PTPRF: variants seen among roughly 807,000 people sequenced by gnomAD.
PTPRF encodes the protein receptor-type tyrosine-protein phosphatase F.
Under a neutral mutation model 201.8 loss-of-function variants are expected in PTPRF, and 59 were observed. The observed-to-expected ratio is 0.29, with a 90% CI of 0.24 to 0.36. The LOEUF is 0.36. Among genes scored for constraint, PTPRF ranks in the 10% least tolerant of loss-of-function variants. PTPRF has a pLI of 1.00. For synonymous variants in PTPRF, 1,088 were observed against 1,089.7 expected, an observed-to-expected ratio of 1.00 and a Z score of 0.03; for missense variants, 2,132 against 2,690.5, an observed-to-expected ratio of 0.79 and a Z score of 4.59.
chr1:43,574,119 C>T (rs1178631391), intron 6 of PTPRF, among the ~76,000 whole-genome samples: 2 of 150,198 alleles, frequency 1.3e-5, no homozygotes, highest in African/African-American at 2.4e-5. Flanking sequence ...GCCTCATACT[C>T]CTGAGTAGCT....
intron 5 of PTPRF, among the ~76,000 whole-genome samples, chr1:43,556,966 T>G (rs1280153072): frequency 6.6e-6 from 1 of 152,218 alleles, no homozygotes; most frequent in Non-Finnish European, 1.5e-5. Flanking sequence ...CATCACTGAT[T>G]GCTGAGTGTT....
chr1:43,557,327 G>T (rs1463502291), intron 5 of PTPRF, among the ~76,000 whole-genome samples: 2 of 152,198 alleles, frequency 1.3e-5, no homozygotes, highest in African/African-American at 4.8e-5. Flanking sequence ...GGGGTGAGGA[G>T]GACGGACTTC....
chr1:43,585,399 GA>G (rs1648877996), intron 7 of PTPRF, among the ~76,000 whole-genome samples: 1 of 152,096 alleles, frequency 6.6e-6, no homozygotes, highest in Admixed American at 6.6e-5. Context: ...CCCTCACATG[GA>G]AAATGTCTCA....
chr1:43,575,990 A>G (rs1646901254), intron 6 of PTPRF: 1 of 1,343,296 alleles, frequency 7.4e-7, no homozygotes, highest in Admixed American at 2.0e-5. Context: ...CCTCCACTCC[A>G]TCCCGTCCAG....
chr1:43,533,370 T>C (rs1006488387), intron 1 of PTPRF, among the ~76,000 whole-genome samples: 3 of 152,012 alleles, frequency 2.0e-5, no homozygotes, highest in Admixed American at 6.5e-5. Flanking sequence ...TACACATCTT[T>C]TACTGGGAAG....
At chr1:43,613,319 C>T (rs1656947576) in intron 22 of PTPRF, 1 of 373,942 alleles carries the variant, frequency 2.7e-6, no homozygotes, top group African/African-American at 2.1e-5. Context: ...TCCCACCCCT[C>T]CTGGGAGGAA....
chr1:43,589,024 C>G (rs1052456157), intron 8 of PTPRF, 24 bp downstream of exon 8: 2 of 1,515,976 alleles, frequency 1.3e-6, no homozygotes, highest in African/African-American at 2.8e-5. Context: ...GTGCTGTAAC[C>G]AGTGCCCTCC....
At chr1:43,616,899 A>T (rs1042915126) in intron 23 of PTPRF, among the ~76,000 whole-genome samples, 2 of 152,080 alleles carry the variant, frequency 1.3e-5, no homozygotes, top group Non-Finnish European at 2.9e-5. Context: ...GGAACCCTGG[A>T]GGAGCTCTGC....
rs1026386490 is a variant in PTPRF, at chr1:43,546,158, C to T, written c.91+992C>T. Among the ~76,000 whole-genome samples the T allele has an allele frequency of 6.6e-6, 1 of 152,216 alleles. No homozygotes were observed. Among genetic ancestry groups the T allele is most frequent in the Non-Finnish European group, 1.5e-5 (1 of 68,034 alleles). On this transcript the variant is annotated intron_variant, in intron 3 of 33. Transcript: ENST00000359947. The surrounding 1 kb of genome is among the most constrained non-coding windows in gnomAD (Gnocchi z 4.2). ...TCCGTATCTCTGGGTACAGATCTCT[C>T]CCCTTGCCCCACCAGGGCTCTTTCT... is the stretch of plus-strand genomic sequence containing the variant.
intron 5 of PTPRF, among the ~76,000 whole-genome samples, chr1:43,555,080 G>C (rs1304208889): frequency 6.6e-6 from 1 of 152,026 alleles, no homozygotes; most frequent in South Asian, 2.1e-4. Context: ...TCAAACTCCT[G>C]ACCTCAGGTG....
intron 6 of PTPRF, chr1:43,575,981 C>G: frequency 3.0e-6 from 4 of 1,355,618 alleles, no homozygotes; most frequent in Non-Finnish European, 3.9e-6. Flanking sequence ...CTGCCGTCAC[C>G]TCCACTCCAT....
chr1:43,614,141 C>T (rs1360504710), intron 23 of PTPRF, among the ~76,000 whole-genome samples: 1 of 152,234 alleles, frequency 6.6e-6, no homozygotes, highest in Non-Finnish European at 1.5e-5. Context: ...TTGGTTCCCC[C>T]ACAGTCTTCA....
chr1:43,615,562 TTTTTTTTTTTTTTTTTTTTC>T (rs988309972), intron 23 of PTPRF, among the ~76,000 whole-genome samples: 1 of 62,268 alleles, frequency 1.6e-5, no homozygotes, highest in African/African-American at 5.6e-5. Flanking sequence ...TTTTTTTTTT[TTTTTTTTTTTTTTTTTTTTC>T]TTTTTTGGAA....
Position 43,597,748 on chromosome 1 carries a change from C to T in PTPRF, c.1814C>T (p.Thr605Ile). ...PTIEARTAQS[T>I]PSAPPQKVMC... ...CTTCCCCCCCATTTGTCTTCCCCAGCCCCCTCCGCCCCTCCCCAGAAGGTG... is the reference window on the plus strand; with the variant it reads ...CTTCCCCCCCATTTGTCTTCCCCAGTCCCCTCCGCCCCTCCCCAGAAGGTG... Residue 605 changes from threonine to isoleucine, a missense_variant and splice_region_variant, in exon 12 of 34, where the codon ACC becomes ATC. Physicochemically the swap from Thr to Ile is moderately conservative, Grantham distance 89 (BLOSUM62 -1). Coordinates refer to ENST00000359947, the MANE Select transcript of PTPRF (RefSeq NM_002840.5). 1.9e-6 allele frequency: 3 copies of T among 1,560,118 alleles called. No individual in the cohort carries two copies. The highest frequency in any genetic ancestry group is 1.2e-5 in the South Asian group (1 of 85,450).
chr1:43,583,664 A>G (rs538022777), intron 7 of PTPRF, among the ~76,000 whole-genome samples: 5 of 152,264 alleles, frequency 3.3e-5, no homozygotes, highest in Admixed American at 3.3e-4. Flanking sequence ...GTCCCCCACC[A>G]GGGCTTAATG....
chr1:43,576,027 A>C, intron 6 of PTPRF: 3 of 1,146,198 alleles, frequency 2.6e-6, no homozygotes, highest in East Asian at 5.5e-5. Flanking sequence ...CCCCATCCCA[A>C]CCTCTTCAGC....
intron 6 of PTPRF, among the ~76,000 whole-genome samples, chr1:43,577,615 A>G (rs2153996253): frequency 1.3e-5 from 2 of 150,594 alleles, no homozygotes; most frequent in Admixed American, 1.3e-4. Flanking sequence ...ATGACTTGGA[A>G]CTCTTCCTCT....
chr1:43,576,810 T>C (rs1646959522), intron 6 of PTPRF, among the ~76,000 whole-genome samples: 1 of 152,186 alleles, frequency 6.6e-6, no homozygotes. Context: ...TCTCTCCAGT[T>C]CTCTCAGTGT....
intron 33 of PTPRF, 34 bp from the exon 34 acceptor site, chr1:43,621,901 G>T (rs116253349): frequency 1.9e-6 from 3 of 1,609,724 alleles, no homozygotes; most frequent in Non-Finnish European, 2.6e-6. Context: ...GTCCACTGGC[G>T]CGACCCACAC....
Sources: allele counts gnomAD v4.1 joint callset (sites outside exome capture counted in the v4.1 genomes callset), GRCh38; gene constraint gnomAD v4.1.1; non-coding constraint Gnocchi (gnomAD v3.1); transcripts MANE v1.5; gene names NCBI Gene and HGNC (gene_info 2026-07-23, HGNC 2026-07-21).